Variants in FMN1 observed in about 807,000 individuals in gnomAD.
The protein encoded by FMN1 is formin 1, also known as formin-1.
FMN1 carries 110 observed loss-of-function variants against 132.4 expected under a neutral mutation model. That is an observed-to-expected ratio of 0.83 (90% CI 0.71 to 0.97). The LOEUF is 0.97. FMN1 is among the 50% of genes least tolerant of loss of function. The probability of loss-of-function intolerance (pLI) is 0.00; values close to 1 mark genes in which losing one functional copy is unlikely to be tolerated. For missense variants in FMN1, 1,792 were observed against 1,705.3 expected, an observed-to-expected ratio of 1.05 and a Z score of -0.90; for synonymous variants, 722 against 651.7, an observed-to-expected ratio of 1.11 and a Z score of -1.64.
At chr15:33,088,735 C>T (rs2038794695) in intron 5 of FMN1, 64 bp downstream of exon 5, 5 of 1,303,926 alleles carry the variant, frequency 3.8e-6, no homozygotes, top group African/African-American at 3.0e-5. Flanking sequence ...ACATTAAATA[C>T]ATATTAAATG....
chr15:32,841,173 C>T (rs1260409663), intron 17 of FMN1, among the ~76,000 whole-genome samples: 2 of 152,198 alleles, frequency 1.3e-5, no homozygotes, highest in African/African-American at 4.8e-5. Flanking sequence ...ATACAGGCTA[C>T]TTTTCTAGCT....
At chr15:32,946,580 G>A (rs1385692872) in intron 9 of FMN1, among the ~76,000 whole-genome samples, 1 of 152,148 alleles carries the variant, frequency 6.6e-6, no homozygotes, top group African/African-American at 2.4e-5. Context: ...GGGTGGTAAA[G>A]GCCTTTCGAC....
intron 17 of FMN1, among the ~76,000 whole-genome samples, chr15:32,828,624 C>T (rs1160771694): frequency 6.6e-6 from 1 of 151,366 alleles, no homozygotes; most frequent in Non-Finnish European, 1.5e-5. Context: ...GAGGATGATT[C>T]AAAAAAGAGG....
At chr15:32,964,374 C>T (rs1434323850) in intron 8 of FMN1, 117 bp from the exon 9 acceptor site, 11 of 742,938 alleles carry the variant, frequency 1.5e-5, no homozygotes, top group Non-Finnish European at 2.2e-5. Context: ...ACACATAAAA[C>T]TCTAATAATG....
intron 9 of FMN1, among the ~76,000 whole-genome samples, chr15:32,955,854 G>T (rs2061755740): frequency 6.6e-6 from 1 of 152,018 alleles, no homozygotes. Context: ...TGTGTGTGTG[G>T]TGAGAAAGGA....
chr15:32,935,175 C>T (rs2061232869), intron 9 of FMN1, among the ~76,000 whole-genome samples: 1 of 152,140 alleles, frequency 6.6e-6, no homozygotes, highest in South Asian at 2.1e-4. Context: ...CCTGCCTTAC[C>T]CTTCCAAAGT....
In FMN1 at chr15:32,768,932, A is replaced by G. The variant is rs550116503; in HGVS notation, c.*5378T>C. Reference sequence around the variant, plus strand: ...ATGTAATATAAAGTCTGGAGTTCACATGAGCTCTTGACTGAAGGACACGAT... The same window carrying G: ...ATGTAATATAAAGTCTGGAGTTCACGTGAGCTCTTGACTGAAGGACACGAT... On this transcript the variant is annotated 3_prime_UTR_variant, in exon 21 of 21. Coordinates refer to ENST00000616417, the MANE Select transcript of FMN1 (RefSeq NM_001277313.2). 5 of 152,372 alleles carry G rather than the reference A, an allele frequency of 3.3e-5. No homozygotes were observed. The highest frequency in any genetic ancestry group is 2.0e-4 in the Admixed American group (3 of 15,308). The allele number at this position is 152,372 out of a possible 1,614,324, so 9.4% of individuals were successfully genotyped here. A position where few individuals can be genotyped will look rare whatever the true frequency, so the allele number is the denominator to read the frequency against.
intron 4 of FMN1, among the ~76,000 whole-genome samples, chr15:33,104,844 T>C (rs763175274): frequency 2.0e-5 from 3 of 152,184 alleles, no homozygotes; most frequent in Non-Finnish European, 2.9e-5. Context: ...AATTAAAATA[T>C]ATCATTTCTA....
At chr15:32,849,474 A>G (rs1455074060) in intron 17 of FMN1, among the ~76,000 whole-genome samples, 1 of 137,736 alleles carries the variant, frequency 7.3e-6, no homozygotes, top group African/African-American at 3.6e-5. Flanking sequence ...CTTTTTTTTT[A>G]AAAAAGATGC....
chr15:33,169,876 A>C (rs188368263), intron 3 of FMN1, among the ~76,000 whole-genome samples: 1 of 151,730 alleles, frequency 6.6e-6, no homozygotes, highest in East Asian at 1.9e-4. Context: ...ATTAAGTAAT[A>C]TTTTCTAAAG....
chr15:33,030,855 AAC>A (rs2035903886), intron 6 of FMN1, among the ~76,000 whole-genome samples: 1 of 152,118 alleles, frequency 6.6e-6, no homozygotes, highest in South Asian at 2.1e-4. Flanking sequence ...TAAGTTCTGG[AAC>A]ACATGTACAG....
chr15:33,116,232 G>A lies in FMN1; in HGVS notation c.1868-27258C>T, dbSNP rs954024913. ...TTTCACTGGGATTGACCTAGTCTAG[G>A]AAGCATAATGTTCTACTTTCCTTTA... On this transcript the variant is annotated intron_variant, in intron 4 of 20. Transcript: ENST00000616417. 2.0e-5 allele frequency among the ~76,000 whole-genome samples: 3 copies of A among 151,236 alleles called. No homozygotes were observed. In the Admixed American group the frequency reaches 2.0e-4, roughly 10 times the overall value.
chr15:32,950,796 C>T (rs911280947), intron 9 of FMN1, among the ~76,000 whole-genome samples: 4 of 152,094 alleles, frequency 2.6e-5, no homozygotes, highest in African/African-American at 9.7e-5. Context: ...CATGACACAA[C>T]TTTATCTATG....
At chr15:32,834,689 GGCA>G (rs2058583438) in intron 17 of FMN1, among the ~76,000 whole-genome samples, 1 of 152,144 alleles carries the variant, frequency 6.6e-6, no homozygotes, top group Admixed American at 6.5e-5. Flanking sequence ...CCTAAGACAA[GGCA>G]GCAGCAGCAA....
intron 16 of FMN1, among the ~76,000 whole-genome samples, chr15:32,871,295 G>A (rs1345263449): frequency 6.6e-6 from 1 of 152,092 alleles, no homozygotes; most frequent in East Asian, 1.9e-4. Flanking sequence ...TCTCTTTCAG[G>A]GTCTGGGCCT....
chr15:33,027,699 C>T (rs185497260), intron 6 of FMN1, among the ~76,000 whole-genome samples: 1 of 152,202 alleles, frequency 6.6e-6, no homozygotes, highest in East Asian at 1.9e-4. Context: ...CAGTGAGAAA[C>T]GATCTAGTGT....
intron 6 of FMN1, among the ~76,000 whole-genome samples, chr15:33,020,254 G>A (rs1325361922): frequency 6.6e-6 from 1 of 152,156 alleles, no homozygotes; most frequent in Non-Finnish European, 1.5e-5. Context: ...GGTAAACAGT[G>A]TCACTATTGA....
rs189046984 is a variant in FMN1 at position 33,154,549 on chromosome 15, C to T, written c.366G>A (p.Leu122=). 2.3e-5 allele frequency: 36 copies of T among 1,536,122 alleles called. No individual in the cohort carries two copies. In the African/African-American group the frequency reaches 4.6e-4, roughly 20 times the overall value. ...MGNQEGKLQE[L]SVSLAPEDDC... ...CATCCTCGGGGGCCAGGCTCACGGA[C>T]AGCTCTTGCAGCTTCCCCTCCTGGT... Residue 122 remains leucine (L), a synonymous_variant, in exon 4 of 21, where the codon CTG becomes CTA. Coordinates refer to ENST00000616417, the MANE Select transcript of FMN1 (RefSeq NM_001277313.2).
intron 2 of FMN1, among the ~76,000 whole-genome samples, chr15:33,185,568 ATTTTT>A (rs57232200): frequency 1.9e-4 from 22 of 113,408 alleles, no homozygotes; most frequent in African/African-American, 6.7e-4. Context: ...TAAAGTAAGA[ATTTTT>A]TTTTTTTTTT....
Sources: allele counts gnomAD v4.1 joint callset (sites outside exome capture counted in the v4.1 genomes callset), GRCh38; gene constraint gnomAD v4.1.1; transcripts MANE v1.5; gene names NCBI Gene and HGNC (gene_info 2026-07-23, HGNC 2026-07-21).